KCNU1: variants seen among roughly 807,000 people sequenced by gnomAD.
The protein encoded by KCNU1 is potassium channel subfamily U member 1.
In KCNU1, 93 loss-of-function variants were observed where a neutral mutation model predicts 126.8. The ratio of observed to expected loss-of-function variants is 0.73; its 90% confidence interval spans 0.62 to 0.87. KCNU1 has a LOEUF of 0.87. Ranked by LOEUF, KCNU1 falls within the 40% of genes least tolerant of loss-of-function variation. KCNU1 has a pLI of 0.00. For synonymous variants in KCNU1, 523 were observed against 494.2 expected (o/e 1.06, Z -0.77); for missense variants, 1,330 against 1,367.1 (o/e 0.97, Z 0.43).
chr8:36,933,032 G>C lies in KCNU1; in HGVS notation c.3044G>C (p.Arg1015Thr). Residue 1015 changes from arginine to threonine, a missense_variant and splice_region_variant, in exon 26 of 27, where the codon AGG (arginine) becomes ACG (threonine). Arg to Thr is a moderately conservative substitution (Grantham distance 71, BLOSUM62 -1). Around this residue, in one of 3 missense-constraint regions of KCNU1, gnomAD observed 1,054 missense variants for 1,053.9 expected, o/e 1.00. Coordinates refer to ENST00000399881, the MANE Select transcript of KCNU1 (RefSeq NM_001031836.3). ...DEEELNPENK[R>T]FVITRPANEF... is the part of the protein sequence containing the mutation. ...GAGGAGCTCAACCCAGAAAACAAAA[G>C]GGGAGTGTGCTAGATTGGAAAGCAC... 1 of 1,524,640 alleles carries C rather than the reference G, an allele frequency of 6.6e-7. No individual in the cohort carries two copies. The highest frequency in any genetic ancestry group is 8.9e-7 in the Non-Finnish European group (1 of 1,120,324). 94.4% of individuals were successfully genotyped at this position (1,524,640 alleles called of 1,614,324 possible). A position where few individuals can be genotyped will look rare whatever the true frequency, so the allele number is the denominator to read the frequency against.
chr8:36,814,564 A>C (rs1442816980), intron 8 of KCNU1, among the ~76,000 whole-genome samples, 187 bp downstream of exon 8: 1 of 152,190 alleles, frequency 6.6e-6, no homozygotes. Flanking sequence ...GCTCAGGATA[A>C]AATTGCTTGG....
Position 36,830,053 on chromosome 8 carries a change from T to G in KCNU1, c.1107-3501T>G, listed in dbSNP as rs977167993. Among the ~76,000 whole-genome samples the G allele has an allele frequency of 7.3e-4, 109 of 149,454 alleles. 1 individual carries two copies. The highest frequency in any genetic ancestry group is 1.1e-3 in the Non-Finnish European group (71 of 67,276). ...TTATTTATATTTGTGTAGTTATAAT[T>G]ATTTACATTAAAACAATTTATCTTT... On this transcript the variant is annotated intron_variant, in intron 10 of 26. Coordinates refer to ENST00000399881, the MANE Select transcript of KCNU1 (RefSeq NM_001031836.3).
intron 1 of KCNU1, among the ~76,000 whole-genome samples, chr8:36,784,840 T>A (rs1010933130): frequency 2.6e-5 from 4 of 152,172 alleles, no homozygotes; most frequent in Admixed American, 2.0e-4. Context: ...ATGTCTTGTA[T>A]GGATAATGAT....
At chr8:36,895,951 T>C (rs1001121378) in intron 19 of KCNU1, among the ~76,000 whole-genome samples, 22 of 152,174 alleles carry the variant, frequency 1.4e-4, no homozygotes, top group Middle Eastern at 3.4e-3. Context: ...TGGAGCACTA[T>C]TGGTATTTGA....
In KCNU1 at chr8:36,820,816, G is replaced by A. The variant is rs116906633; in HGVS notation, c.1106+3056G>A. On this transcript the variant is annotated intron_variant, in intron 10 of 26. Coordinates refer to ENST00000399881, the MANE Select transcript of KCNU1 (RefSeq NM_001031836.3). Reference sequence around the variant, plus strand: ...ATGCAACTGTAAGATCATTTGTTAAGACCTCAGAAAGATTTAAGGTGGTGA... The same window carrying A: ...ATGCAACTGTAAGATCATTTGTTAAAACCTCAGAAAGATTTAAGGTGGTGA... Among the ~76,000 whole-genome samples, 41 of 152,154 alleles carry A rather than the reference G, an allele frequency of 2.7e-4. No homozygotes were observed. The East Asian group carries it at 4.6e-3, about 17-fold the overall frequency.
At position 36,814,267 on chromosome 8, in the gene KCNU1, G is replaced by T; in HGVS notation, c.793G>T (p.Glu265Ter). ...GRNSQNISYF[E>*]SIYLVMATTS... ...AAATTCACAGAATATATCATATTTT[G>T]AGTCAATTTACCTGGTCATGGCAAC... The change falls in exon 8 of 27, where the codon GAG becomes TAG. Residue 265 changes from glutamate (E) to a stop codon, truncating the protein, a stop_gained. Coordinates refer to ENST00000399881, the MANE Select transcript of KCNU1 (RefSeq NM_001031836.3). LOFTEE classifies it high-confidence loss of function. 1 of 1,613,218 alleles carries T rather than the reference G, an allele frequency of 6.2e-7. No individual in the cohort carries two copies. The highest frequency in any genetic ancestry group is 8.5e-7 in the Non-Finnish European group (1 of 1,179,450).
At chr8:36,877,438 G>T (rs1024004564) in intron 19 of KCNU1, among the ~76,000 whole-genome samples, 5 of 151,778 alleles carry the variant, frequency 3.3e-5, no homozygotes, top group African/African-American at 1.2e-4. Context: ...AAGTAGCTGA[G>T]ATTACAGGCG....
At chr8:36,903,466 C>T (rs719674) in intron 19 of KCNU1, among the ~76,000 whole-genome samples, 52,316 of 151,992 alleles carry the variant, frequency 0.34, 9,682 homozygotes, top group Admixed American at 0.42. Flanking sequence ...TGTAATGTGA[C>T]ACACAGTACA....
intron 22 of KCNU1, among the ~76,000 whole-genome samples, chr8:36,913,793 G>A (rs555987322): frequency 1.3e-5 from 2 of 152,060 alleles, no homozygotes; most frequent in East Asian, 1.9e-4. Context: ...AGTAGAGACG[G>A]GGTTTCACCG....
Position 36,808,620 on chromosome 8 carries a change from A to G in KCNU1, c.657-98A>G, listed in dbSNP as rs760473266. Reference sequence around the variant, plus strand: ...CGGGTAATGCCGTTCCTTCTGGTCCATGAGCCACACTTTGTGTAGCAACAT... The same window carrying G: ...CGGGTAATGCCGTTCCTTCTGGTCCGTGAGCCACACTTTGTGTAGCAACAT... On this transcript the variant is annotated intron_variant, in intron 6 of 26. Transcript: ENST00000399881. 96 of 754,580 alleles carry G rather than the reference A, an allele frequency of 1.3e-4. 1 individual carries two copies. Among genetic ancestry groups the G allele is most frequent in the South Asian group, 1.0e-3 (64 of 61,986 alleles). The allele number at this position is 754,580 out of a possible 1,614,324, so 46.7% of individuals were successfully genotyped here.
intron 9 of KCNU1, among the ~76,000 whole-genome samples, chr8:36,816,144 C>T (rs1803902125): frequency 1.3e-5 from 2 of 152,284 alleles, no homozygotes; most frequent in African/African-American, 4.8e-5. Flanking sequence ...CCTAAACCAT[C>T]GGGGGCTCAT....
At chr8:36,887,773 G>A (rs1179177051) in intron 19 of KCNU1, among the ~76,000 whole-genome samples, 1 of 152,126 alleles carries the variant, frequency 6.6e-6, no homozygotes, top group Non-Finnish European at 1.5e-5. Context: ...AAAGCTTTGT[G>A]GCAGTTAGAA....
intron 22 of KCNU1, among the ~76,000 whole-genome samples, chr8:36,915,532 G>A (rs973499887): frequency 9.2e-5 from 14 of 152,226 alleles, no homozygotes; most frequent in Middle Eastern, 3.4e-3. Context: ...CATATTCATC[G>A]GATAATCTCA....
Position 36,840,930 on chromosome 8 carries a change from A to G in KCNU1, c.1632-2A>G. 6.2e-7 allele frequency: 1 copy of G among 1,610,288 alleles called. No individual in the cohort carries two copies. The highest frequency in any genetic ancestry group is 8.5e-7 in the Non-Finnish European group (1 of 1,176,914). On this transcript the variant is annotated splice_acceptor_variant, in intron 15 of 26. Coordinates refer to ENST00000399881, the MANE Select transcript of KCNU1 (RefSeq NM_001031836.3). LOFTEE classifies it high-confidence loss of function. ...CTTTTGACTCCTCGTCTTCCTTCCC[A>G]GGCTCTGCTTTCTGAAGATGCACCT...
chr8:36,900,613 G>T (rs1807378196), intron 19 of KCNU1, among the ~76,000 whole-genome samples: 1 of 152,020 alleles, frequency 6.6e-6, no homozygotes, highest in Non-Finnish European at 1.5e-5. Context: ...CATCAGAATT[G>T]ACAATAAGTG....
In KCNU1 at chr8:36,787,401, C is replaced by G. The variant is rs757162436; in HGVS notation, c.291C>G (p.Ala97=). 4 of 1,611,280 alleles carry G rather than the reference C, an allele frequency of 2.5e-6. No homozygotes were observed. The South Asian group carries it at 4.4e-5, about 18-fold the overall frequency. Reference sequence around the variant, plus strand: ...ATCATATAGAAATGTTGCTTTCAGCCCAGACCTTTGTGGGGCAAGTGTTGG... The same window carrying G: ...ATCATATAGAAATGTTGCTTTCAGCGCAGACCTTTGTGGGGCAAGTGTTGG... ...FRDHIEMLLS[A]QTFVGQVLVI... is the part of the protein sequence containing the mutation. The change falls in exon 2 of 27, where the codon GCC becomes GCG. Residue 97 remains alanine, a synonymous_variant. Transcript: ENST00000399881.
chr8:36,882,178 G>A (rs963784679), intron 19 of KCNU1, among the ~76,000 whole-genome samples: 4 of 152,024 alleles, frequency 2.6e-5, no homozygotes, highest in Non-Finnish European at 5.9e-5. Flanking sequence ...GTTTCTATTT[G>A]TCTCATTCAT....
chr8:36,879,019 G>A (rs574855530), intron 19 of KCNU1, among the ~76,000 whole-genome samples: 1 of 147,382 alleles, frequency 6.8e-6, no homozygotes, highest in Admixed American at 6.8e-5. Context: ...CAAATCATCG[G>A]GACTTTGCTG....
intron 2 of KCNU1, among the ~76,000 whole-genome samples, chr8:36,791,236 A>T (rs769390152): frequency 1.5e-4 from 23 of 152,052 alleles, no homozygotes; most frequent in Non-Finnish European, 2.5e-4. Flanking sequence ...GCGGAAAAAA[A>T]TTTTCTTCTA....
Sources: gnomAD v4.1 joint callset for allele counts (sites outside exome capture counted in the v4.1 genomes callset) on GRCh38, gnomAD v4.1.1 for gene constraint, gnomAD v4.1.1 regional missense constraint, MANE v1.5 for transcripts, NCBI Gene and HGNC (gene_info 2026-07-23, HGNC 2026-07-21) for gene names.